The following FHAD1 variants were observed in gnomAD, a reference collection of about 807,000 sequenced individuals.
FHAD1 encodes the protein forkhead associated phosphopeptide binding domain 1, also known as forkhead-associated domain-containing protein 1.
Under a neutral mutation model 191.3 loss-of-function variants are expected in FHAD1, and 146 were observed. That is an observed-to-expected ratio of 0.76 (90% CI 0.67 to 0.88). FHAD1 has a LOEUF of 0.88. Among genes scored for constraint, FHAD1 ranks in the 40% least tolerant of loss-of-function variants. FHAD1 has a pLI of 0.00. For missense variants in FHAD1, 1,635 were observed against 1,785.8 expected (o/e 0.92, Z 1.52); for synonymous variants, 616 against 672.3 (o/e 0.92, Z 1.29).
In FHAD1 at chr1:15,387,038, A is replaced by T. The variant is rs540272435; in HGVS notation, c.4189-1013A>T. ...ACCACCACGCCCGGCTTATTTTTGT[A>T]TTTTTTTTAGTAGAGAGTAATCTTT... is the stretch of plus-strand genomic sequence containing the variant. On this transcript the variant is annotated intron_variant, in intron 31 of 33. Transcript: ENST00000688493. Among the ~76,000 whole-genome samples the T allele has an allele frequency of 6.6e-5, 10 of 151,038 alleles. No homozygotes were observed. In the South Asian group the frequency reaches 1.5e-3, roughly 22 times the overall value.
intron 28 of FHAD1, among the ~76,000 whole-genome samples, chr1:15,378,110 C>G (rs1700079532): frequency 6.6e-6 from 1 of 152,226 alleles, no homozygotes; most frequent in Non-Finnish European, 1.5e-5. Context: ...TTGAGACCAG[C>G]CTGGCCAACA....
At chr1:15,393,430 GCACACACACACACACA>G (rs57536175) in intron 33 of FHAD1, among the ~76,000 whole-genome samples, 2 of 146,742 alleles carry the variant, frequency 1.4e-5, no homozygotes, top group Non-Finnish European at 3.0e-5. Context: ...ACACACACAC[GCACACACACACACACA>G]CACACACACT....
intron 3 of FHAD1, among the ~76,000 whole-genome samples, 151 bp downstream of exon 3, chr1:15,272,680 G>GT (rs1328968027): frequency 5.9e-5 from 9 of 152,206 alleles, no homozygotes; most frequent in Non-Finnish European, 1.2e-4. Flanking sequence ...ACCCTGTGGA[G>GT]TTCTGAGTCA....
rs369404141 is a variant in FHAD1, at chr1:15,333,977, C to T, written c.1906+4436C>T. Among the ~76,000 whole-genome samples, 531 of 151,850 alleles carry T rather than the reference C, an allele frequency of 3.5e-3. 4 individuals carry two copies. The highest frequency in any genetic ancestry group is 0.011 in the African/African-American group (464 of 41,392). On this transcript the variant is annotated intron_variant, in intron 14 of 33. Transcript: ENST00000688493. ...CCTCCCAAGTAGCTGGGACTACAGGCGTGTGCCACCACGCCACCTAATTTT... is the reference window on the plus strand; with the variant it reads ...CCTCCCAAGTAGCTGGGACTACAGGTGTGTGCCACCACGCCACCTAATTTT...
rs937163750 is a variant in FHAD1, at chr1:15,381,162, T to C, written c.3802-69T>C. On this transcript the variant is annotated intron_variant, in intron 29 of 33. Transcript: ENST00000688493. The surrounding 1 kb of genome is among the most constrained non-coding windows in gnomAD (Gnocchi z 4.6). The stretch of plus-strand genomic sequence containing the variant: ...AAAGTGAATGAAACAGAATTAGACA[T>C]TGGCCTCCTTAAAGCGGCCACCAGC... 1.0e-6 allele frequency: 1 copy of C among 1,003,410 alleles called. No homozygotes were observed. The highest frequency in any genetic ancestry group is 1.6e-5 in the African/African-American group (1 of 61,560). The allele number at this position is 1,003,410 out of a possible 1,614,324, so 62.2% of individuals were successfully genotyped here.
chr1:15,238,049 G>T (rs1573494836), intron 1 of FHAD1, among the ~76,000 whole-genome samples: 1 of 152,038 alleles, frequency 6.6e-6, no homozygotes, highest in East Asian at 1.9e-4. Flanking sequence ...AGGAGTCCGA[G>T]ACCAGCCTGA....
chr1:15,286,952 G>A (rs955684134), intron 3 of FHAD1: 2 of 152,258 alleles, frequency 1.3e-5, no homozygotes, highest in African/African-American at 4.8e-5. Context: ...TGTTCCAGAA[G>A]GCTGGAGTAA....
At chr1:15,367,255 G>T (rs1696763488) in intron 24 of FHAD1, among the ~76,000 whole-genome samples, 1 of 152,136 alleles carries the variant, frequency 6.6e-6, no homozygotes, top group South Asian at 2.1e-4. Flanking sequence ...CCGCACTTTG[G>T]GAGACTGAGG....
At chr1:15,302,324 T>C (rs1669071597) in intron 6 of FHAD1, among the ~76,000 whole-genome samples, 1 of 152,338 alleles carries the variant, frequency 6.6e-6, no homozygotes, top group Non-Finnish European at 1.5e-5. Context: ...GGTTCACTTA[T>C]AGGGAATTTC....
intron 3 of FHAD1, among the ~76,000 whole-genome samples, chr1:15,279,259 A>G (rs576174029): frequency 2.2e-4 from 34 of 152,158 alleles, no homozygotes; most frequent in Non-Finnish European, 3.8e-4. Flanking sequence ...CAATAAGCAT[A>G]TTTTCCAGGA....
chr1:15,312,704 C>T lies in FHAD1; in HGVS notation c.1040-353C>T, dbSNP rs1302015215. Among the ~76,000 whole-genome samples, 1 of 152,146 alleles carries T rather than the reference C, an allele frequency of 6.6e-6. No individual in the cohort carries two copies. The highest frequency in any genetic ancestry group is 1.5e-5 in the Non-Finnish European group (1 of 68,026). ...AGCTAGTAAGTGCTAGAGACGGTTT[C>T]CAAACTCAGATGAGTGTGAATCAAC... is the stretch of plus-strand genomic sequence containing the variant. On this transcript the variant is annotated intron_variant, in intron 7 of 33. Transcript: ENST00000688493. This position sits in a 1 kb window ranked among gnomAD's most constrained non-coding sequence, Gnocchi z 4.7.
intron 32 of FHAD1, chr1:15,388,382 C>G: frequency 7.9e-7 from 1 of 1,258,128 alleles, no homozygotes; most frequent in Non-Finnish European, 1.0e-6. Context: ...AACGGATGAC[C>G]TAAGAGACAA....
At chr1:15,255,702 G>C (rs559001825) in intron 2 of FHAD1, among the ~76,000 whole-genome samples, 35 of 152,318 alleles carry the variant, frequency 2.3e-4, no homozygotes, top group African/African-American at 8.4e-4. Context: ...TAAAGGAAAG[G>C]AATATGGAGG....
chr1:15,278,771 A>T (rs1408218961), intron 3 of FHAD1, among the ~76,000 whole-genome samples: 1 of 152,086 alleles, frequency 6.6e-6, no homozygotes, highest in Non-Finnish European at 1.5e-5. Flanking sequence ...ACCTCTTTAA[A>T]ACAGAACTTG....
chr1:15,397,085 G>A (rs1483317494), intron 33 of FHAD1, among the ~76,000 whole-genome samples: 1 of 151,084 alleles, frequency 6.6e-6, no homozygotes, highest in African/African-American at 2.4e-5. Flanking sequence ...CAGCTACTCG[G>A]GAGGCTGAGG....
At chr1:15,350,188 C>G (rs1287212708) in intron 19 of FHAD1, among the ~76,000 whole-genome samples, 1 of 152,290 alleles carries the variant, frequency 6.6e-6, no homozygotes, top group Admixed American at 6.5e-5. Context: ...AGGCCCGGTT[C>G]TGGGTGCCAC....
chr1:15,382,182 C>T lies in FHAD1; in HGVS notation c.4177C>T (p.Arg1393Trp), dbSNP rs1301541205. The change falls in exon 31 of 34, where the codon CGG (arginine) becomes TGG (tryptophan). Residue 1393 changes from arginine (R) to tryptophan (W), a missense_variant. Coordinates refer to ENST00000688493, the MANE Select transcript of FHAD1 (RefSeq NM_001391957.1). ...GGAGAAGAGGATCAACAGGGCCATC[C>T]GGCAGCAGAAGGTGAGGCGCTGCTG... ...CQEKRINRAIRQQKESVEEHE... is the reference protein window; with the variant it reads ...CQEKRINRAIWQQKESVEEHE... The T allele has an allele frequency of 3.9e-6, 6 of 1,551,086 alleles. No homozygotes were observed. Among genetic ancestry groups the T allele is most frequent in the South Asian group, 1.2e-5 (1 of 84,012 alleles).
chr1:15,345,316 AG>A, intron 17 of FHAD1, 99 bp from the exon 18 acceptor site: 1 of 1,340,466 alleles, frequency 7.5e-7, no homozygotes, highest in African/African-American at 1.5e-5. Flanking sequence ...TCCCCTAGGG[AG>A]GTGTAGTCTG....
chr1:15,331,691 G>A lies in FHAD1; in HGVS notation c.1906+2150G>A, dbSNP rs370710832. On this transcript the variant is annotated intron_variant, in intron 14 of 33. Transcript: ENST00000688493. ...GGCAGGAGGGAAGGCAGGAAGGAAG[G>A]CAGGAGGGAAGGCAGGAAGGAAGGC... Among the ~76,000 whole-genome samples, 512 of 151,646 alleles carry A rather than the reference G, an allele frequency of 3.4e-3. 3 individuals are homozygous for A. Among genetic ancestry groups the A allele is most frequent in the African/African-American group, 0.011 (450 of 41,326 alleles).
Sources: gnomAD v4.1 joint callset for allele counts (sites outside exome capture counted in the v4.1 genomes callset) on GRCh38, gnomAD v4.1.1 for gene constraint, Gnocchi (gnomAD v3.1) non-coding constraint, MANE v1.5 for transcripts, NCBI Gene and HGNC (gene_info 2026-07-23, HGNC 2026-07-21) for gene names.